Variants in IL12RB2 observed in about 807,000 individuals in gnomAD.
IL12RB2 encodes interleukin-12 receptor subunit beta-2.
In IL12RB2, 82 loss-of-function variants were observed where a neutral mutation model predicts 89.4. The observed-to-expected ratio is 0.92, with a 90% confidence interval of 0.77 to 1.10. IL12RB2 has a LOEUF of 1.10. Ranked by LOEUF, IL12RB2 falls within the 50% of genes least tolerant of loss-of-function variation. The probability of loss-of-function intolerance (pLI) is 0.00; values close to 1 mark genes in which losing one functional copy is unlikely to be tolerated. For synonymous variants in IL12RB2, 368 were observed against 370.1 expected (o/e 0.99, Z 0.07); for missense variants, 963 against 1,031.9 (o/e 0.93, Z 0.92).
chr1:67,377,472 G>A (rs1482746232), intron 13 of IL12RB2, among the ~76,000 whole-genome samples: 1 of 152,154 alleles, frequency 6.6e-6, no homozygotes, highest in African/African-American at 2.4e-5. Context: ...GATAAGCTTG[G>A]GAGCTGAGTC....
rs566394143 is a variant in IL12RB2 at position 67,330,708 on chromosome 1, C to A, written c.856C>A (p.Pro286Thr). ...AAGACATGATTTGCTGGATCTGAAA[C>A]CATTTACAGAATATGAATTTCAGAT... The part of the protein sequence containing the change: ...KGRHDLLDLK[P>T]FTEYEFQISS... The change falls in exon 8 of 17, where the codon CCA (proline) becomes ACA (threonine). Residue 286 changes from proline (P) to threonine (T), a missense_variant. Pro to Thr is a conservative substitution (Grantham distance 38). Coordinates refer to ENST00000674203, the MANE Select transcript of IL12RB2 (RefSeq NM_001374259.2). The A allele has an allele frequency of 2.0e-6, 3 of 1,533,854 alleles. No individual in the cohort carries two copies. Among genetic ancestry groups the A allele is most frequent in the South Asian group, 2.2e-5 (2 of 89,428 alleles).
rs139282032 is a variant in IL12RB2, at chr1:67,389,785, A to G, written c.1947-244A>G. ...AATGAATGCATAGCTGGCTAGTGAT[A>G]GATTGCTAAATATTAGGTTGATCAA... On this transcript the variant is annotated intron_variant, in intron 15 of 16. Transcript: ENST00000674203. Among the ~76,000 whole-genome samples the G allele has an allele frequency of 3.4e-3, 520 of 152,352 alleles. 5 individuals are homozygous for G. The highest frequency in any genetic ancestry group is 0.012 in the African/African-American group (500 of 41,578).
At chr1:67,321,932 G>A (rs1558299411) in intron 4 of IL12RB2, 43 bp downstream of exon 4, 2 of 1,551,082 alleles carry the variant, frequency 1.3e-6, no homozygotes, top group Admixed American at 3.3e-5. Flanking sequence ...GTGATCTTTT[G>A]GTATTTTTGA....
chr1:67,329,462 C>T, intron 6 of IL12RB2, 125 bp from the exon 7 acceptor site: 12 of 730,122 alleles, frequency 1.6e-5, no homozygotes, highest in South Asian at 1.1e-4. Flanking sequence ...TATATTTTAC[C>T]AAATTTGATG....
At chr1:67,382,590 G>A (rs1213160871) in intron 14 of IL12RB2, among the ~76,000 whole-genome samples, 2 of 151,774 alleles carry the variant, frequency 1.3e-5, no homozygotes, top group African/African-American at 2.4e-5. Flanking sequence ...TTCTGCAGTC[G>A]CCTGAAAGTA....
chr1:67,321,587 T>G lies in IL12RB2; in HGVS notation c.77-15T>G. 1 of 1,554,592 alleles carries G rather than the reference T, an allele frequency of 6.4e-7. No individual in the cohort carries two copies. The highest frequency in any genetic ancestry group is 8.9e-7 in the Non-Finnish European group (1 of 1,126,426). On this transcript the variant is annotated splice_polypyrimidine_tract_variant and intron_variant, in intron 3 of 16. Transcript: ENST00000674203. Reference sequence around the variant, plus strand: ...ATTATCACCAACTAAATATTGCATCTGTATCTTATTGCAGATGCGTGCAAG... The same window carrying G: ...ATTATCACCAACTAAATATTGCATCGGTATCTTATTGCAGATGCGTGCAAG...
chr1:67,396,055 A>C lies in IL12RB2; in HGVS notation c.2555A>C (p.Gln852Pro). ...FSCGDKLTLD[Q>P]LKMRCDSLML is the part of the protein sequence containing the mutation. Reference sequence around the variant, plus strand: ...TGTGGTGATAAGCTGACTCTGGATCAGTTAAAGATGAGGTGTGACTCCCTC... The same window carrying C: ...TGTGGTGATAAGCTGACTCTGGATCCGTTAAAGATGAGGTGTGACTCCCTC... The change falls in exon 17 of 17, where the codon CAG (glutamine) becomes CCG (proline). Residue 852 changes from glutamine to proline, a missense_variant. Transcript: ENST00000674203. The C allele has an allele frequency of 1.9e-6, 3 of 1,609,622 alleles. No homozygotes were observed. Among genetic ancestry groups the C allele is most frequent in the Non-Finnish European group, 2.6e-6 (3 of 1,175,836 alleles).
chr1:67,347,442 TAA>T (rs971794518), intron 9 of IL12RB2, among the ~76,000 whole-genome samples: 6 of 152,326 alleles, frequency 3.9e-5, no homozygotes, highest in African/African-American at 1.4e-4. Context: ...AATAGATCTT[TAA>T]TTAAAAATAA....
intron 1 of IL12RB2, among the ~76,000 whole-genome samples, chr1:67,313,356 T>G (rs1288192389): frequency 1.3e-5 from 2 of 152,194 alleles, no homozygotes; most frequent in Non-Finnish European, 2.9e-5. Context: ...TAGATAGATA[T>G]CATAAAGATT....
intron 16 of IL12RB2, 43 bp from the exon 17 acceptor site, chr1:67,395,504 A>T: frequency 6.2e-7 from 1 of 1,614,030 alleles, no homozygotes; most frequent in Non-Finnish European, 8.5e-7. Context: ...TGTGAAGGTC[A>T]CTTCTACAGC....
rs1570252385 is a variant in IL12RB2, at chr1:67,395,680, C to T, written c.2180C>T (p.Pro727Leu). 6.2e-7 allele frequency: 1 copy of T among 1,614,052 alleles called. No homozygotes were observed. The highest frequency in any genetic ancestry group is 1.7e-5 in the Admixed American group (1 of 60,006). Residue 727 changes from proline to leucine, a missense_variant, in exon 17 of 17, where the codon CCA becomes CTA. By Grantham distance (98) the Pro-to-Leu change is moderately conservative. Coordinates refer to ENST00000674203, the MANE Select transcript of IL12RB2 (RefSeq NM_001374259.2). ...AGACATCCCCCCTGCTCCAACTGGC[C>T]ACAAAGGGAAAAAGGAATCCAAGGT... ...VFRHPPCSNW[P>L]QREKGIQGHQ...
intron 4 of IL12RB2, among the ~76,000 whole-genome samples, chr1:67,322,401 A>G (rs868487125): frequency 1.4e-5 from 2 of 146,746 alleles, no homozygotes; most frequent in Non-Finnish European, 3.0e-5. Flanking sequence ...CATACTTACT[A>G]TCTTTTCCTC....
At chr1:67,374,148 T>C (rs1663684666) in intron 13 of IL12RB2, among the ~76,000 whole-genome samples, 1 of 152,248 alleles carries the variant, frequency 6.6e-6, no homozygotes, top group Admixed American at 6.5e-5. Flanking sequence ...CTCTCAATAA[T>C]ACGTGGTAGA....
intron 8 of IL12RB2, among the ~76,000 whole-genome samples, chr1:67,337,360 T>C (rs180973830): frequency 1.5e-3 from 226 of 152,332 alleles, no homozygotes; most frequent in African/African-American, 5.3e-3. Flanking sequence ...GAGTTGTTTC[T>C]GCTGGTTCCA....
intron 13 of IL12RB2, among the ~76,000 whole-genome samples, chr1:67,377,585 CA>C (rs1664113332): frequency 6.6e-6 from 1 of 152,134 alleles, no homozygotes; most frequent in East Asian, 1.9e-4. Context: ...CAGAAAAATG[CA>C]TAATTGACCC....
intron 16 of IL12RB2, among the ~76,000 whole-genome samples, chr1:67,393,519 C>G (rs1416348713): frequency 2.0e-5 from 3 of 152,222 alleles, no homozygotes; most frequent in Non-Finnish European, 4.4e-5. Flanking sequence ...GGCTCAGCTT[C>G]CCAGAGCTGC....
chr1:67,326,605 T>C (rs903057482), intron 4 of IL12RB2, 130 bp from the exon 5 acceptor site: 56 of 1,451,572 alleles, frequency 3.9e-5, no homozygotes, highest in Non-Finnish European at 4.9e-5. Context: ...GAATGGAATC[T>C]AAAATAGCTT....
intron 1 of IL12RB2, among the ~76,000 whole-genome samples, chr1:67,312,292 G>A (rs548660712): frequency 3.9e-5 from 6 of 152,312 alleles, no homozygotes; most frequent in South Asian, 2.1e-4. Context: ...TGGAGTTTCC[G>A]AAGCTTTATT....
intron 9 of IL12RB2, among the ~76,000 whole-genome samples, chr1:67,347,628 T>A (rs1466831510): frequency 6.6e-6 from 1 of 152,186 alleles, no homozygotes; most frequent in African/African-American, 2.4e-5. Flanking sequence ...AGGCTTTCCA[T>A]AATAAATTTA....
Sources: gnomAD v4.1 joint callset for allele counts (sites outside exome capture counted in the v4.1 genomes callset) on GRCh38, gnomAD v4.1.1 for gene constraint, MANE v1.5 for transcripts, NCBI Gene and HGNC (gene_info 2026-07-23, HGNC 2026-07-21) for gene names.